Variants in SPMIP5 observed in about 807,000 individuals in gnomAD.
SPMIP5 encodes sperm-associated microtubule inner protein 5.
the SPMIP5 span, among the ~76,000 whole-genome samples, chr10:116,666,983 T>A: frequency 6.6e-6 from 1 of 152,174 alleles, no homozygotes; most frequent in Non-Finnish European, 1.5e-5. Flanking sequence ...CAAATAGATA[T>A]ATGCAAGTCC....
At chr10:116,665,629 G>C in the SPMIP5 span, 1 of 1,613,858 alleles carries the variant, frequency 6.2e-7, no homozygotes, top group Non-Finnish European at 8.5e-7. Flanking sequence ...GGGTGGTACT[G>C]CAGATTGTAC....
At chr10:116,668,596 G>C in the SPMIP5 span, among the ~76,000 whole-genome samples, 1 of 151,640 alleles carries the variant, frequency 6.6e-6, no homozygotes, top group East Asian at 1.9e-4. Flanking sequence ...CCCTCCATCC[G>C]ACCTCCAGCC....
chr10:116,668,291 T>A, the SPMIP5 span: 1 of 1,613,872 alleles, frequency 6.2e-7, no homozygotes, highest in Non-Finnish European at 8.5e-7. Context: ...AGGTTTCTCA[T>A]GAAGGTCTTG....
the SPMIP5 span, chr10:116,670,184 C>T: frequency 6.6e-6 from 1 of 152,400 alleles, no homozygotes; most frequent in Non-Finnish European, 1.5e-5. Context: ...TCCTCCGCGC[C>T]TTGGCTGCCC....
chr10:116,662,957 C>A, the SPMIP5 span, among the ~76,000 whole-genome samples: 749 of 152,064 alleles, frequency 4.9e-3, 15 homozygotes, highest in Admixed American at 0.043. Flanking sequence ...CCGAGGCAGG[C>A]GGATCACGAG....
chr10:116,663,797 A>G, the SPMIP5 span: 2 of 1,295,678 alleles, frequency 1.5e-6, no homozygotes, highest in Non-Finnish European at 2.0e-6. Context: ...CAGTTAAAAA[A>G]TTCTTGTTAC....
the SPMIP5 span, among the ~76,000 whole-genome samples, chr10:116,668,933 G>GCACACACACA: frequency 0.11 from 14,289 of 135,148 alleles, 932 homozygotes; most frequent in East Asian, 0.13. Context: ...GCACACACAT[G>GCACACACACA]CACACACACA....
chr10:116,665,831 A>C, the SPMIP5 span: 140 of 1,603,668 alleles, frequency 8.7e-5, no homozygotes, highest in East Asian at 2.6e-3. Flanking sequence ...CAAAGCCTGC[A>C]AGAGCCGAAT....
At chr10:116,668,332 G>A in the SPMIP5 span, 15 of 1,596,952 alleles carry the variant, frequency 9.4e-6, no homozygotes, top group Middle Eastern at 1.7e-4. Context: ...CTCTGTTAGT[G>A]GAGGGAAGAG....
the SPMIP5 span, chr10:116,664,973 G>A: frequency 6.3e-7 from 1 of 1,588,520 alleles, no homozygotes; most frequent in South Asian, 1.2e-5. Flanking sequence ...ATGGCACAGA[G>A]AAAGCAACTA....
At chr10:116,668,410 G>T in the SPMIP5 span, 1 of 1,113,988 alleles carries the variant, frequency 9.0e-7, no homozygotes, top group Non-Finnish European at 1.3e-6. Context: ...CAAGCTCTTG[G>T]GAGTGGAAGA....
At chr10:116,666,851 C>T in the SPMIP5 span, among the ~76,000 whole-genome samples, 2 of 152,188 alleles carry the variant, frequency 1.3e-5, no homozygotes, top group African/African-American at 4.8e-5. Context: ...CATAAGCATA[C>T]GAACTACCTT....
chr10:116,665,579 G>A, the SPMIP5 span: 1 of 1,595,378 alleles, frequency 6.3e-7, no homozygotes, highest in African/African-American at 1.3e-5. Flanking sequence ...GACCAGGGGT[G>A]AGGGGAAATG....
the SPMIP5 span, among the ~76,000 whole-genome samples, chr10:116,669,720 T>G: frequency 1.3e-5 from 2 of 151,258 alleles, no homozygotes; most frequent in Admixed American, 6.6e-5. Context: ...GGTTCCAGAG[T>G]GAAAGGGGGT....
the SPMIP5 span, chr10:116,664,031 C>T: frequency 1.3e-6 from 2 of 1,575,410 alleles, no homozygotes; most frequent in East Asian, 4.7e-5. Context: ...AGGGGCCTTC[C>T]AAGGGCAGGG....
chr10:116,663,735 C>T, the SPMIP5 span: 15 of 680,218 alleles, frequency 2.2e-5, no homozygotes, highest in Middle Eastern at 1.3e-3. Context: ...TGACAAAAAA[C>T]GGTCTTTATC....
the SPMIP5 span, chr10:116,664,681 A>T: frequency 3.7e-5 from 58 of 1,553,806 alleles, no homozygotes; most frequent in Non-Finnish European, 4.7e-5. Context: ...TGGGATGGGG[A>T]CATCTGGTAA....
the SPMIP5 span, among the ~76,000 whole-genome samples, chr10:116,668,933 G>GCGCACACACACACACACA: frequency 7.4e-6 from 1 of 135,380 alleles, no homozygotes; most frequent in East Asian, 2.3e-4. Flanking sequence ...GCACACACAT[G>GCGCACACACACACACACA]CACACACACA....
At chr10:116,666,646 G>T in the SPMIP5 span, among the ~76,000 whole-genome samples, 42 of 152,132 alleles carry the variant, frequency 2.8e-4, no homozygotes, top group Non-Finnish European at 4.9e-4. Flanking sequence ...AACCCCCTCT[G>T]GAAGAACCTA....
Sources: gnomAD v4.1 joint callset for allele counts (sites outside exome capture counted in the v4.1 genomes callset) on GRCh38, gnomAD v4.1.1 for gene constraint, MANE v1.5 for transcripts, NCBI Gene and HGNC (gene_info 2026-07-23, HGNC 2026-07-21) for gene names.